Variants in CADPS2 observed in about 807,000 individuals in gnomAD.
CADPS2 encodes the protein calcium-dependent secretion activator 2.
A neutral mutation model predicts 172.5 loss-of-function variants in CADPS2; 93 were observed. The ratio of observed to expected loss-of-function variants is 0.54; its 90% confidence interval spans 0.46 to 0.64. The LOEUF (loss-of-function observed/expected upper bound fraction) is 0.64. Ranked by LOEUF, CADPS2 falls within the 30% of genes least tolerant of loss-of-function variation. CADPS2 has a pLI of 0.00. For missense variants in CADPS2, 1,420 were observed against 1,565.9 expected, an observed-to-expected ratio of 0.91 and a Z score of 1.57; for synonymous variants, 546 against 555.2, an observed-to-expected ratio of 0.98 and a Z score of 0.23.
chr7:122,705,511 C>A (rs4727946), intron 2 of CADPS2, among the ~76,000 whole-genome samples: 83,545 of 90,860 alleles, frequency 0.92, 38,217 homozygotes, highest in Middle Eastern at 0.95. Context: ...TATATATTAT[C>A]TATATTTATA....
intron 8 of CADPS2, among the ~76,000 whole-genome samples, chr7:122,541,671 A>G (rs2062990901): frequency 6.9e-6 from 1 of 145,468 alleles, no homozygotes; most frequent in Admixed American, 6.9e-5. Flanking sequence ...ATATTCATAT[A>G]TGTTTATATA....
chr7:122,689,938 GC>G (rs1564072322), intron 2 of CADPS2, among the ~76,000 whole-genome samples: 1 of 152,112 alleles, frequency 6.6e-6, no homozygotes, highest in Non-Finnish European at 1.5e-5. Flanking sequence ...GTTTTGTGAC[GC>G]CTCCTATTCA....
At chr7:122,467,151 C>T (rs111633362) in intron 14 of CADPS2, among the ~76,000 whole-genome samples, 23 of 152,280 alleles carry the variant, frequency 1.5e-4, no homozygotes, top group African/African-American at 4.8e-4. Context: ...GGCATAAAAC[C>T]TGTCAGATCA....
chr7:122,691,368 C>G (rs951649013), intron 2 of CADPS2, among the ~76,000 whole-genome samples: 1 of 152,222 alleles, frequency 6.6e-6, no homozygotes, highest in Non-Finnish European at 1.5e-5. Flanking sequence ...GGACTAAAAG[C>G]CTGTTGGCAC....
intron 2 of CADPS2, among the ~76,000 whole-genome samples, chr7:122,709,293 GAC>G (rs1564137642): frequency 6.6e-6 from 1 of 151,988 alleles, no homozygotes; most frequent in African/African-American, 2.4e-5. Context: ...GCAGCCAAAA[GAC>G]ACATGAAAAA....
chr7:122,752,275 T>C, intron 1 of CADPS2, among the ~76,000 whole-genome samples: 1 of 152,328 alleles, frequency 6.6e-6, no homozygotes, highest in East Asian at 1.9e-4. Flanking sequence ...TAAAGATATC[T>C]ACTTACATTT....
chr7:122,792,879 A>C lies in CADPS2; in HGVS notation c.340-55811T>G, dbSNP rs538315886. ...TATGCTTCTGGCAACTTCTAGTTCAATATATACTGAATAGGATTTGTGCAA... is the reference window on the plus strand; with the variant it reads ...TATGCTTCTGGCAACTTCTAGTTCACTATATACTGAATAGGATTTGTGCAA... On this transcript the variant is annotated intron_variant, in intron 1 of 29. Coordinates refer to ENST00000449022, the MANE Select transcript of CADPS2 (RefSeq NM_017954.11). Among the ~76,000 whole-genome samples, 5 of 152,324 alleles carry C rather than the reference A, an allele frequency of 3.3e-5. No homozygotes were observed. In the South Asian group the frequency reaches 1.0e-3, roughly 32 times the overall value.
chr7:122,748,547 C>G (rs1275215943), intron 1 of CADPS2, among the ~76,000 whole-genome samples: 2 of 152,142 alleles, frequency 1.3e-5, no homozygotes, highest in East Asian at 3.9e-4. Flanking sequence ...CCTTTTCCAG[C>G]AGGCAGTAAG....
At chr7:122,557,381 G>C (rs532095628) in intron 7 of CADPS2, among the ~76,000 whole-genome samples, 2 of 152,130 alleles carry the variant, frequency 1.3e-5, no homozygotes, top group Non-Finnish European at 2.9e-5. Flanking sequence ...CCTTGGCAGG[G>C]TGTCTTCACA....
intron 2 of CADPS2, among the ~76,000 whole-genome samples, chr7:122,723,961 A>T (rs2090790594): frequency 6.7e-6 from 1 of 148,390 alleles, no homozygotes; most frequent in South Asian, 2.2e-4. Context: ...TCTCACTCAT[A>T]GGTGAGAACT....
chr7:122,599,729 CA>C (rs1052163862), intron 6 of CADPS2, among the ~76,000 whole-genome samples: 3 of 152,010 alleles, frequency 2.0e-5, no homozygotes, highest in Non-Finnish European at 4.4e-5. Context: ...TATTCTTTCA[CA>C]GGTTTAGGCC....
intron 6 of CADPS2, among the ~76,000 whole-genome samples, chr7:122,599,954 TC>T (rs560388985): frequency 9.9e-4 from 151 of 152,184 alleles, no homozygotes; most frequent in African/African-American, 3.4e-3. Context: ...TTCTTGCTCA[TC>T]CATGCCATAT....
intron 24 of CADPS2, among the ~76,000 whole-genome samples, chr7:122,381,597 C>T (rs2043006901): frequency 6.6e-6 from 1 of 152,042 alleles, no homozygotes; most frequent in Admixed American, 6.6e-5. Flanking sequence ...AAGGGACGAG[C>T]CACAAAAGAG....
chr7:122,798,837 C>G (rs1370013171), intron 1 of CADPS2, among the ~76,000 whole-genome samples: 1 of 151,774 alleles, frequency 6.6e-6, no homozygotes, highest in African/African-American at 2.4e-5. Context: ...CTTGCCTCAA[C>G]TTCTGCTTGA....
intron 1 of CADPS2, among the ~76,000 whole-genome samples, chr7:122,801,047 A>G (rs541768409): frequency 6.8e-6 from 1 of 147,120 alleles, no homozygotes; most frequent in African/African-American, 2.6e-5. Context: ...GGTAATTAAG[A>G]AAAACACTAT....
chr7:122,735,952 T>C (rs1250629244), intron 2 of CADPS2, among the ~76,000 whole-genome samples: 1 of 152,154 alleles, frequency 6.6e-6, no homozygotes, highest in Non-Finnish European at 1.5e-5. Context: ...GATGTTAAAA[T>C]TTTGAGCTCC....
chr7:122,774,497 TCTTC>T (rs895368020), intron 1 of CADPS2, among the ~76,000 whole-genome samples: 11 of 152,276 alleles, frequency 7.2e-5, no homozygotes, highest in African/African-American at 1.4e-4. Context: ...AGGCCTGAAT[TCTTC>T]CTTCATTTAT....
intron 6 of CADPS2, among the ~76,000 whole-genome samples, chr7:122,586,143 A>G (rs1186756202): frequency 2.6e-5 from 4 of 152,004 alleles, no homozygotes. Flanking sequence ...ATAAAGTGAA[A>G]AAGAGGGAGG....
chr7:122,538,564 C>G (rs1050038923), intron 8 of CADPS2, among the ~76,000 whole-genome samples: 3 of 151,518 alleles, frequency 2.0e-5, no homozygotes, highest in African/African-American at 7.3e-5. Context: ...AAAACTCCAC[C>G]AATATAAATT....
Sources: allele counts gnomAD v4.1 joint callset (sites outside exome capture counted in the v4.1 genomes callset), GRCh38; gene constraint gnomAD v4.1.1; transcripts MANE v1.5; gene names NCBI Gene and HGNC (gene_info 2026-07-23, HGNC 2026-07-21).